AGBL1: variants seen among roughly 807,000 people sequenced by gnomAD.
AGBL1 encodes cytosolic carboxypeptidase 4.
AGBL1 carries 130 observed loss-of-function variants against 118.9 expected under a neutral mutation model. That is an observed-to-expected ratio of 1.09 (90% confidence interval 0.95 to 1.26). The LOEUF is 1.26. Ranked by LOEUF, AGBL1 falls within the 50% of genes most tolerant of loss-of-function variation. The pLI, the probability that AGBL1 is intolerant of heterozygous loss-of-function variation, is 0.00. For synonymous variants in AGBL1, 555 were observed against 478.9 expected, an observed-to-expected ratio of 1.16 and a Z score of -2.08; for missense variants, 1,584 against 1,298.1, an observed-to-expected ratio of 1.22 and a Z score of -3.38.
At chr15:86,968,536 T>C (rs1423171049) in intron 23 of AGBL1, among the ~76,000 whole-genome samples, 1 of 151,880 alleles carries the variant, frequency 6.6e-6, no homozygotes, top group Non-Finnish European at 1.5e-5. Flanking sequence ...AAATTAAGAC[T>C]CTTGGAAGCA....
chr15:86,877,043 A>T (rs1200103688), intron 22 of AGBL1, among the ~76,000 whole-genome samples: 1 of 152,144 alleles, frequency 6.6e-6, no homozygotes, highest in Non-Finnish European at 1.5e-5. Flanking sequence ...CTGCCCACTC[A>T]TCTCACTCAC....
intron 22 of AGBL1, among the ~76,000 whole-genome samples, chr15:86,776,022 G>T (rs1287604484): frequency 6.6e-6 from 1 of 152,058 alleles, no homozygotes; most frequent in East Asian, 1.9e-4. Flanking sequence ...AGTTTCTTTA[G>T]CAATCCAACC....
chr15:86,222,465 C>T (rs1373062304), intron 5 of AGBL1, among the ~76,000 whole-genome samples: 1 of 152,130 alleles, frequency 6.6e-6, no homozygotes, highest in Admixed American at 6.6e-5. Flanking sequence ...CTTTCCTCAG[C>T]TCTCGTTAAT....
At position 86,174,823 on chromosome 15, in the gene AGBL1, T is replaced by A. The variant is rs958778641; in HGVS notation, c.488+15797T>A. ...TTATTGATTTGTATATGTTGAACCATCCTTGCACTCCTGGGTTAAATCCCC... is the reference window on the plus strand; with the variant it reads ...TTATTGATTTGTATATGTTGAACCAACCTTGCACTCCTGGGTTAAATCCCC... On this transcript the variant is annotated intron_variant, in intron 5 of 22. Transcript: ENST00000614907. Among the ~76,000 whole-genome samples, 5 of 152,262 alleles carry A rather than the reference T, an allele frequency of 3.3e-5. No individual in the cohort carries two copies. The South Asian group carries it at 6.2e-4, about 19-fold the overall frequency.
chr15:86,698,279 G>C (rs998668913), intron 22 of AGBL1, among the ~76,000 whole-genome samples: 1 of 151,896 alleles, frequency 6.6e-6, no homozygotes, highest in African/African-American at 2.4e-5. Flanking sequence ...GACCTGGAGG[G>C]GAAAAGAAAG....
intron 22 of AGBL1, among the ~76,000 whole-genome samples, chr15:86,706,150 A>G (rs568762841): frequency 6.0e-4 from 92 of 152,098 alleles, no homozygotes; most frequent in Non-Finnish European, 1.1e-3. Flanking sequence ...TATGAATACT[A>G]TTGAAGGTTA....
At chr15:86,699,443 A>G (rs1022353208) in intron 22 of AGBL1, among the ~76,000 whole-genome samples, 2 of 152,102 alleles carry the variant, frequency 1.3e-5, no homozygotes, top group African/African-American at 4.8e-5. Context: ...ATAGGGGACA[A>G]ATACCTTGGC....
chr15:86,916,417 G>T (rs1205712556), downstream of AGBL1, among the ~76,000 whole-genome samples: 6 of 152,124 alleles, frequency 3.9e-5, no homozygotes, highest in African/African-American at 1.4e-4. Flanking sequence ...TGGACTTTGT[G>T]TGTGTGTGTT....
chr15:86,885,391 T>C (rs1382762551), intron 22 of AGBL1, among the ~76,000 whole-genome samples: 2 of 152,050 alleles, frequency 1.3e-5, no homozygotes, highest in African/African-American at 4.8e-5. Context: ...AAAGACAAGG[T>C]TTTTCAGCAG....
At chr15:86,254,122 C>T (rs1408006741) in intron 7 of AGBL1, among the ~76,000 whole-genome samples, 1 of 152,214 alleles carries the variant, frequency 6.6e-6, no homozygotes, top group East Asian at 1.9e-4. Context: ...GCTTTGTTAT[C>T]ATGGGAATTA....
intron 21 of AGBL1, among the ~76,000 whole-genome samples, chr15:86,628,539 G>A (rs958582240): frequency 3.9e-5 from 6 of 152,124 alleles, no homozygotes; most frequent in Admixed American, 3.9e-4. Flanking sequence ...GCTCATGCCT[G>A]TAATCCCAGC....
intron 22 of AGBL1, among the ~76,000 whole-genome samples, chr15:86,677,311 G>A (rs900908243): frequency 1.3e-5 from 2 of 152,096 alleles, no homozygotes; most frequent in Non-Finnish European, 2.9e-5. Context: ...CTTTGTTTTT[G>A]GTTTCCTTTT....
intron 17 of AGBL1, among the ~76,000 whole-genome samples, chr15:86,369,414 G>C (rs553320036): frequency 6.6e-6 from 1 of 152,052 alleles, no homozygotes; most frequent in Non-Finnish European, 1.5e-5. Flanking sequence ...CTAAAGTCAA[G>C]ACATAAAATC....
chr15:86,874,069 T>C (rs1039101337), intron 22 of AGBL1, among the ~76,000 whole-genome samples: 1 of 152,078 alleles, frequency 6.6e-6, no homozygotes, highest in African/African-American at 2.4e-5. Context: ...CTGACACATA[T>C]GAGGTGAGGG....
intron 5 of AGBL1, among the ~76,000 whole-genome samples, chr15:86,176,971 C>T (rs1020717795): frequency 1.3e-5 from 2 of 152,148 alleles, no homozygotes; most frequent in African/African-American, 4.8e-5. Flanking sequence ...AGATGCTTAG[C>T]TTCCCTCTCC....
chr15:87,021,681 C>A (rs1005953039), intron 24 of AGBL1, among the ~76,000 whole-genome samples: 1 of 152,068 alleles, frequency 6.6e-6, no homozygotes, highest in African/African-American at 2.4e-5. Flanking sequence ...AAAACGTGAG[C>A]AAAGCACATG....
intron 24 of AGBL1, among the ~76,000 whole-genome samples, chr15:87,023,511 T>C (rs1259514867): frequency 1.3e-5 from 2 of 151,862 alleles, no homozygotes; most frequent in African/African-American, 4.8e-5. Flanking sequence ...AGAAATGAGA[T>C]AGACAGCAAC....
chr15:86,883,456 A>T (rs1054128968), intron 22 of AGBL1, among the ~76,000 whole-genome samples: 3 of 152,176 alleles, frequency 2.0e-5, no homozygotes, highest in African/African-American at 7.2e-5. Context: ...TGTAGTGTCC[A>T]TTCTTTGCTT....
chr15:86,517,599 A>C (rs147123598), intron 18 of AGBL1, among the ~76,000 whole-genome samples: 132 of 152,142 alleles, frequency 8.7e-4, no homozygotes, highest in African/African-American at 3.1e-3. Context: ...CTGGTAACCC[A>C]TTTCTGGGTT....
Sources: gnomAD v4.1 joint callset for allele counts (sites outside exome capture counted in the v4.1 genomes callset) on GRCh38, gnomAD v4.1.1 for gene constraint, MANE v1.5 for transcripts, NCBI Gene and HGNC (gene_info 2026-07-23, HGNC 2026-07-21) for gene names.